GABRG3: variants seen among roughly 807,000 people sequenced by gnomAD.
GABRG3 encodes gamma-aminobutyric acid receptor subunit gamma-3.
GABRG3 carries 25 observed loss-of-function variants against 48.8 expected under a neutral mutation model. The ratio of observed to expected loss-of-function variants is 0.51; its 90% CI spans 0.37 to 0.72. The LOEUF (loss-of-function observed/expected upper bound fraction) is 0.72, where lower values mean the gene tolerates loss of function less well. Ranked by LOEUF, GABRG3 falls within the 30% of genes least tolerant of loss-of-function variation. The pLI is 0.00. For missense variants in GABRG3, 394 were observed against 577.9 expected (o/e 0.68, Z 3.26); for synonymous variants, 227 against 217.6 (o/e 1.04, Z -0.38).
chr15:27,048,532 C>T lies in GABRG3; in HGVS notation c.270+21711C>T, dbSNP rs778392072. The stretch of plus-strand genomic sequence containing the variant: ...GTGGCTGGGGCTTTGCTCTTCCACC[C>T]GTCCCCCATGGTCTTATGAAGATCT... On this transcript the variant is annotated intron_variant, in intron 3 of 9. Coordinates refer to ENST00000615808, the MANE Select transcript of GABRG3 (RefSeq NM_033223.5). Among the ~76,000 whole-genome samples the T allele has an allele frequency of 1.1e-3, 164 of 152,286 alleles. 1 individual carries two copies. Among genetic ancestry groups the T allele is most frequent in the Middle Eastern group, 3.4e-3 (1 of 294 alleles).
Position 27,539,889 on chromosome 15 carries a change from CA to C in GABRG3, c.*7009del, listed in dbSNP as rs1891628358. 6.6e-6 allele frequency: 1 copy of C among 152,210 alleles called. No individual in the cohort carries two copies. The highest frequency in any genetic ancestry group is 2.4e-5 in the African/African-American group (1 of 41,454). The allele number at this position is 152,210 out of a possible 1,614,324, so 9.4% of individuals were successfully genotyped here. On this transcript the variant is annotated 3_prime_UTR_variant, in exon 10 of 10. Coordinates refer to ENST00000615808, the MANE Select transcript of GABRG3 (RefSeq NM_033223.5). ...AATAAGTAATGTGGCAAAAGATGCA[CA>C]TAACTTGCTCCCTCAAGTTCTAAAT...
At chr15:27,102,554 G>A (rs192681348) in intron 3 of GABRG3, among the ~76,000 whole-genome samples, 6 of 152,244 alleles carry the variant, frequency 3.9e-5, no homozygotes, top group Admixed American at 1.3e-4. Context: ...TATTATGGTC[G>A]TGGGGACTGC....
intron 3 of GABRG3, among the ~76,000 whole-genome samples, chr15:27,230,933 T>A (rs150448648): frequency 0.024 from 3,592 of 152,164 alleles, 72 homozygotes; most frequent in Non-Finnish European, 0.034. Context: ...ATCTGGGCTA[T>A]TGTTTGGTCC....
intron 5 of GABRG3, among the ~76,000 whole-genome samples, chr15:27,387,467 A>G (rs1428736517): frequency 6.6e-6 from 1 of 152,116 alleles, no homozygotes; most frequent in Non-Finnish European, 1.5e-5. Flanking sequence ...CCTAGTTTGC[A>G]CTACCCAGAG....
intron 6 of GABRG3, among the ~76,000 whole-genome samples, chr15:27,489,686 T>G (rs1890302768): frequency 6.6e-6 from 1 of 152,222 alleles, no homozygotes; most frequent in South Asian, 2.1e-4. Context: ...TTGGGAAGTG[T>G]CTGTTCATAT....
intron 3 of GABRG3, among the ~76,000 whole-genome samples, chr15:27,066,313 C>T (rs1212556157): frequency 6.6e-6 from 1 of 152,128 alleles, no homozygotes; most frequent in Non-Finnish European, 1.5e-5. Context: ...TCTGCATATT[C>T]TTGAAGTTGT....
chr15:27,366,038 GGAA>G (rs764223685), intron 5 of GABRG3: 2 of 152,188 alleles, frequency 1.3e-5, no homozygotes, highest in Non-Finnish European at 2.9e-5. Context: ...TCAGATAAGA[GGAA>G]GAAGAACGAA....
At chr15:27,192,935 G>A (rs1486643437) in intron 3 of GABRG3, among the ~76,000 whole-genome samples, 3 of 152,192 alleles carry the variant, frequency 2.0e-5, no homozygotes, top group Admixed American at 6.5e-5. Context: ...CCTTCTAACA[G>A]ACAGGACCCT....
At chr15:27,092,509 C>T (rs12372959) in intron 3 of GABRG3, among the ~76,000 whole-genome samples, 34,955 of 152,120 alleles carry the variant, frequency 0.23, 4,240 homozygotes, top group Middle Eastern at 0.33. Context: ...GGACCCGCAG[C>T]ACTCACAGGT....
chr15:27,431,156 A>T (rs1008231189), intron 5 of GABRG3, among the ~76,000 whole-genome samples: 1 of 152,054 alleles, frequency 6.6e-6, no homozygotes, highest in Non-Finnish European at 1.5e-5. Flanking sequence ...AAGATTTGAA[A>T]TTGGGATGTT....
chr15:26,982,215 G>A (rs565054487), intron 2 of GABRG3, among the ~76,000 whole-genome samples: 27 of 152,322 alleles, frequency 1.8e-4, no homozygotes, highest in African/African-American at 6.0e-4. Flanking sequence ...TTTAGAATAT[G>A]TTACTAATTT....
chr15:27,382,711 A>G (rs1895811616), intron 5 of GABRG3, among the ~76,000 whole-genome samples: 1 of 152,102 alleles, frequency 6.6e-6, no homozygotes, highest in Non-Finnish European at 1.5e-5. Context: ...GTGTTTTTGG[A>G]TTTTGGATAC....
At chr15:27,471,567 C>T (rs989042695) in intron 5 of GABRG3, among the ~76,000 whole-genome samples, 24 of 152,192 alleles carry the variant, frequency 1.6e-4, no homozygotes, top group Non-Finnish European at 2.1e-4. Flanking sequence ...CTCAGGTGAA[C>T]ACAGGCAGCT....
chr15:27,079,095 C>T (rs1176048071), intron 3 of GABRG3, among the ~76,000 whole-genome samples: 1 of 152,062 alleles, frequency 6.6e-6, no homozygotes, highest in African/African-American at 2.4e-5. Context: ...AGAACCGTTT[C>T]CCCCAGACCC....
At position 27,527,569 on chromosome 15, in the gene GABRG3, T is replaced by C; in HGVS notation, c.1002T>C (p.Tyr334=). 6.2e-7 allele frequency: 1 copy of C among 1,613,852 alleles called. No individual in the cohort carries two copies. The highest frequency in any genetic ancestry group is 8.5e-7 in the Non-Finnish European group (1 of 1,179,842). ...TTGTCTTCGCCGCGCTGATGGAGTA[T>C]GCCACCCTCAACTACTATTCCAGCT... The part of the protein sequence containing the change: ...FLFVFAALME[Y]ATLNYYSSCR... Residue 334 remains tyrosine, a synonymous_variant, in exon 8 of 10, where the codon TAT becomes TAC. Coordinates refer to ENST00000615808, the MANE Select transcript of GABRG3 (RefSeq NM_033223.5).
chr15:27,321,228 G>A (rs1369551961), intron 3 of GABRG3, among the ~76,000 whole-genome samples: 1 of 152,148 alleles, frequency 6.6e-6, no homozygotes, highest in African/African-American at 2.4e-5. Flanking sequence ...CAGACCCCAC[G>A]GTGCACCTGT....
intron 2 of GABRG3, among the ~76,000 whole-genome samples, chr15:26,991,841 C>T (rs928138715): frequency 3.9e-5 from 6 of 152,240 alleles, no homozygotes; most frequent in African/African-American, 1.2e-4. Flanking sequence ...CAGCCTCAGC[C>T]TCCTGAGTAG....
At chr15:27,053,986 G>A (rs1455634412) in intron 3 of GABRG3, among the ~76,000 whole-genome samples, 1 of 152,230 alleles carries the variant, frequency 6.6e-6, no homozygotes, top group African/African-American at 2.4e-5. Context: ...GAGGGGCCGG[G>A]TGTGGCGGCT....
chr15:27,047,043 A>G (rs1896377910), intron 3 of GABRG3, among the ~76,000 whole-genome samples: 1 of 152,214 alleles, frequency 6.6e-6, no homozygotes, highest in Admixed American at 6.5e-5. Context: ...CAGTGGGACC[A>G]TATGGTGTCA....
Sources: allele counts gnomAD v4.1 joint callset (sites outside exome capture counted in the v4.1 genomes callset), GRCh38; gene constraint gnomAD v4.1.1; transcripts MANE v1.5; gene names NCBI Gene and HGNC (gene_info 2026-07-23, HGNC 2026-07-21).